MDFIC2: variants seen among roughly 807,000 people sequenced by gnomAD.
MDFIC2 encodes the protein myoD family inhibitor domain-containing protein 2.
rs112907805 is a variant in MDFIC2, at chr3:70,235,750, G to A, written c.89-28960C>T. ...ATCAGGCCATTGATAATTTATTGCT[G>A]TATGACTTAGGACAAATTATCCCTT... On this transcript the variant is annotated intron_variant, in intron 2 of 3. Transcript: ENST00000567252. Among the ~76,000 whole-genome samples, 1,006 of 152,276 alleles carry A rather than the reference G, an allele frequency of 6.6e-3. 12 individuals carry two copies. The highest frequency in any genetic ancestry group is 0.023 in the African/African-American group (944 of 41,566).
At position 70,213,904 on chromosome 3, in the gene MDFIC2, C is replaced by T. The variant is rs533560335; in HGVS notation, c.89-7114G>A. Among the ~76,000 whole-genome samples the T allele has an allele frequency of 2.0e-5, 3 of 151,832 alleles. No homozygotes were observed. The South Asian group carries it at 6.2e-4, about 32-fold the overall frequency. ...AAACATACTATGGCTGAAGACAGAA[C>T]AAAATTAGGAAGAGGAAGATTTCTT... On this transcript the variant is annotated intron_variant, in intron 2 of 3. Transcript: ENST00000567252.
At chr3:70,270,306 TA>T (rs1701964379) in intron 2 of MDFIC2, among the ~76,000 whole-genome samples, 1 of 152,122 alleles carries the variant, frequency 6.6e-6, no homozygotes, top group Non-Finnish European at 1.5e-5. Context: ...GCATGGGAAA[TA>T]AATAAAAACA....
At position 70,236,566 on chromosome 3, in the gene MDFIC2, T is replaced by C. The variant is rs144606586; in HGVS notation, c.89-29776A>G. 9.4e-3 allele frequency among the ~76,000 whole-genome samples: 1,433 copies of C among 152,266 alleles called. 21 individuals carry two copies. Among genetic ancestry groups the C allele is most frequent in the African/African-American group, 0.032 (1,348 of 41,556 alleles). On this transcript the variant is annotated intron_variant, in intron 2 of 3. Coordinates refer to ENST00000567252, the MANE Select transcript of MDFIC2 (RefSeq NM_001364677.1). ...AATTTTTTAAAGTCCATACTCCTTT[T>C]GGGGCCTGTAAATTGACCCTTATTT...
intron 2 of MDFIC2, chr3:70,249,681 T>A (rs770821324): frequency 6.6e-6 from 1 of 152,128 alleles, no homozygotes; most frequent in Non-Finnish European, 1.5e-5. Context: ...GTGAGAGTCA[T>A]CCTTCATTTA....
chr3:70,301,312 A>G (rs1702346379), intron 2 of MDFIC2, among the ~76,000 whole-genome samples: 1 of 152,136 alleles, frequency 6.6e-6, no homozygotes, highest in African/African-American at 2.4e-5. Context: ...GGGTATGTTC[A>G]TATGGTTTCG....
intron 2 of MDFIC2, among the ~76,000 whole-genome samples, chr3:70,227,621 A>G (rs1421685980): frequency 6.6e-6 from 1 of 152,230 alleles, no homozygotes; most frequent in East Asian, 1.9e-4. Flanking sequence ...GGTTTTTGCC[A>G]TTGAAACCGC....
intron 2 of MDFIC2, among the ~76,000 whole-genome samples, chr3:70,242,933 C>T (rs1701676131): frequency 6.6e-6 from 1 of 151,942 alleles, no homozygotes; most frequent in South Asian, 2.1e-4. Context: ...TAAAAAACAA[C>T]CATCAAAAAA....
intron 2 of MDFIC2, among the ~76,000 whole-genome samples, chr3:70,216,978 C>T (rs1474150738): frequency 2.6e-5 from 4 of 152,148 alleles, no homozygotes; most frequent in African/African-American, 7.2e-5. Flanking sequence ...TGCCAAGATT[C>T]AGAAATCCTT....
intron 2 of MDFIC2, among the ~76,000 whole-genome samples, chr3:70,291,466 G>A (rs994012534): frequency 2.6e-5 from 4 of 152,156 alleles, no homozygotes; most frequent in African/African-American, 9.7e-5. Flanking sequence ...CTAGAATCTT[G>A]TCTATAGCTC....
chr3:70,276,726 T>C (rs1575613095), intron 2 of MDFIC2, among the ~76,000 whole-genome samples: 1 of 152,254 alleles, frequency 6.6e-6, no homozygotes, highest in Non-Finnish European at 1.5e-5. Flanking sequence ...CCATGCTCAT[T>C]AATTTATGTA....
intron 2 of MDFIC2, among the ~76,000 whole-genome samples, chr3:70,220,988 G>A (rs1327231259): frequency 6.6e-6 from 1 of 152,148 alleles, no homozygotes; most frequent in African/African-American, 2.4e-5. Context: ...GTAATGACAT[G>A]TTTTAAATCT....
At chr3:70,271,851 C>T (rs1202159586) in intron 2 of MDFIC2, 2 of 152,294 alleles carry the variant, frequency 1.3e-5, no homozygotes, top group Non-Finnish European at 2.9e-5. Context: ...GCAACCTCCA[C>T]CTCCCGGGTT....
At chr3:70,302,318 G>A (rs1054964075) in intron 2 of MDFIC2, among the ~76,000 whole-genome samples, 2 of 151,960 alleles carry the variant, frequency 1.3e-5, no homozygotes, top group African/African-American at 4.8e-5. Context: ...TTATTAGCGA[G>A]TATATTCCTC....
At chr3:70,290,699 A>G (rs990806895) in intron 2 of MDFIC2, among the ~76,000 whole-genome samples, 1 of 152,084 alleles carries the variant, frequency 6.6e-6, no homozygotes, top group African/African-American at 2.4e-5. Flanking sequence ...CTGCTGTGCT[A>G]GCAATCAGTG....
chr3:70,204,660 T>TC (rs1334374651), intron 3 of MDFIC2: 1 of 151,238 alleles, frequency 6.6e-6, no homozygotes, highest in South Asian at 2.1e-4. Context: ...TTTCTTTCTT[T>TC]TTTTTTTTTT....
At chr3:70,228,813 G>C (rs1443617288) in intron 2 of MDFIC2, among the ~76,000 whole-genome samples, 1 of 151,314 alleles carries the variant, frequency 6.6e-6, no homozygotes, top group African/African-American at 2.4e-5. Context: ...AAGATGGATA[G>C]CTGGGTTATA....
intron 2 of MDFIC2, among the ~76,000 whole-genome samples, chr3:70,276,334 A>G (rs1040309859): frequency 2.3e-4 from 35 of 152,204 alleles, no homozygotes; most frequent in African/African-American, 8.4e-4. Context: ...CATCTTATGA[A>G]CACACTTTCT....
chr3:70,264,627 T>C (rs78468247), intron 2 of MDFIC2, among the ~76,000 whole-genome samples: 20,566 of 152,284 alleles, frequency 0.14, 1,514 homozygotes, highest in East Asian at 0.23. Flanking sequence ...AACAAATGTT[T>C]ACTGAGCACT....
At chr3:70,260,480 C>T (rs192019968) in intron 2 of MDFIC2, among the ~76,000 whole-genome samples, 23 of 152,208 alleles carry the variant, frequency 1.5e-4, no homozygotes, top group Admixed American at 1.1e-3. Context: ...CAGTTCAACT[C>T]GTAACAGCCC....
Sources: gnomAD v4.1 joint callset for allele counts (sites outside exome capture counted in the v4.1 genomes callset) on GRCh38, gnomAD v4.1.1 for gene constraint, MANE v1.5 for transcripts, NCBI Gene and HGNC (gene_info 2026-07-23, HGNC 2026-07-21) for gene names.